Variants in ATP8A2 observed in about 807,000 individuals in gnomAD.
ATP8A2 encodes phospholipid-transporting ATPase IB.
In ATP8A2, 100 loss-of-function variants were observed where a neutral mutation model predicts 165.6. That is an observed-to-expected ratio of 0.60 (90% CI 0.51 to 0.71). The LOEUF is 0.71. Ranked by LOEUF, ATP8A2 falls within the 30% of genes least tolerant of loss-of-function variation. The probability of loss-of-function intolerance (pLI) is 0.00; values close to 1 mark genes in which losing one functional copy is unlikely to be tolerated. For synonymous variants in ATP8A2, 543 were observed against 548.8 expected (o/e 0.99, Z 0.15); for missense variants, 1,227 against 1,479.5 (o/e 0.83, Z 2.80).
In ATP8A2 at chr13:25,489,596, C is replaced by T. The variant is rs9551207; in HGVS notation, c.221+20475C>T. Among the ~76,000 whole-genome samples the T allele has an allele frequency of 0.017, 2,577 of 152,304 alleles. 247 individuals carry two copies. In the East Asian group the frequency reaches 0.29, roughly 17 times the overall value. ...TCCCCTCGCATCCTCCCCAGCACGACGCACAGTTCCTGCCAATGGGAAGTG... is the reference window on the plus strand; with the variant it reads ...TCCCCTCGCATCCTCCCCAGCACGATGCACAGTTCCTGCCAATGGGAAGTG... On this transcript the variant is annotated intron_variant, in intron 2 of 36. Transcript: ENST00000381655.
chr13:25,507,422 T>C (rs1389168867), intron 2 of ATP8A2, among the ~76,000 whole-genome samples: 1 of 152,068 alleles, frequency 6.6e-6, no homozygotes, highest in Non-Finnish European at 1.5e-5. Context: ...TGTGCCACCA[T>C]GCCTGGCTAA....
chr13:25,496,404 G>A (rs1487445833), intron 2 of ATP8A2, among the ~76,000 whole-genome samples: 3 of 152,098 alleles, frequency 2.0e-5, no homozygotes, highest in Non-Finnish European at 2.9e-5. Flanking sequence ...CTACATTGAA[G>A]AGGAGAGAAT....
intron 27 of ATP8A2, among the ~76,000 whole-genome samples, chr13:25,804,122 G>A (rs557029551): frequency 6.6e-6 from 1 of 152,268 alleles, no homozygotes; most frequent in East Asian, 1.9e-4. Flanking sequence ...TGTATACATT[G>A]GCAAAGCATT....
intron 33 of ATP8A2, among the ~76,000 whole-genome samples, chr13:25,923,115 A>T (rs1271017247): frequency 6.6e-6 from 1 of 152,222 alleles, no homozygotes; most frequent in Non-Finnish European, 1.5e-5. Context: ...TAGTAGGAAC[A>T]CAAATTAAGA....
At chr13:25,827,826 A>G (rs1437603137) in intron 27 of ATP8A2, among the ~76,000 whole-genome samples, 2 of 152,278 alleles carry the variant, frequency 1.3e-5, no homozygotes, top group Non-Finnish European at 2.9e-5. Context: ...TCAATGAGAA[A>G]GTTTTGATAC....
rs114512726 is a variant in ATP8A2, at chr13:25,703,469, C to G, written c.2384+4124C>G. 2.8e-3 allele frequency among the ~76,000 whole-genome samples: 419 copies of G among 152,230 alleles called. 1 individual carries two copies. Among genetic ancestry groups the G allele is most frequent in the African/African-American group, 9.4e-3 (391 of 41,564 alleles). On this transcript the variant is annotated intron_variant, in intron 25 of 36. Transcript: ENST00000381655. ...TTGCACTCTTAGGTAGGTATACACC[C>G]AAAAGAATTAAAAACAGGCACTCAA...
intron 35 of ATP8A2, among the ~76,000 whole-genome samples, chr13:25,993,773 A>G (rs904906588): frequency 5.3e-5 from 8 of 152,170 alleles, no homozygotes; most frequent in African/African-American, 1.9e-4. Flanking sequence ...AATCAGATAC[A>G]CTGATTTCTT....
At chr13:25,533,543 A>T (rs1435105521) in intron 6 of ATP8A2, among the ~76,000 whole-genome samples, 1 of 152,216 alleles carries the variant, frequency 6.6e-6, no homozygotes, top group Non-Finnish European at 1.5e-5. Flanking sequence ...TGAAATCTCA[A>T]AGTATTTTCT....
At chr13:25,432,776 G>A (rs1323442185) in intron 1 of ATP8A2, among the ~76,000 whole-genome samples, 1 of 152,142 alleles carries the variant, frequency 6.6e-6, no homozygotes, top group South Asian at 2.1e-4. Flanking sequence ...GTGAACTCCT[G>A]GATGTTTACA....
At chr13:25,728,056 C>T (rs2043534491) in intron 25 of ATP8A2, among the ~76,000 whole-genome samples, 1 of 152,312 alleles carries the variant, frequency 6.6e-6, no homozygotes, top group South Asian at 2.1e-4. Context: ...AAGTTCCCTT[C>T]CTGCCCTCAG....
At chr13:25,495,010 AG>A in intron 2 of ATP8A2, among the ~76,000 whole-genome samples, 1 of 152,200 alleles carries the variant, frequency 6.6e-6, no homozygotes. Context: ...TGTCTGAATT[AG>A]GTGTCTCCGC....
chr13:25,936,704 G>GC (rs1860821460), intron 33 of ATP8A2, among the ~76,000 whole-genome samples: 3 of 152,142 alleles, frequency 2.0e-5, no homozygotes, highest in African/African-American at 7.2e-5. Flanking sequence ...GAGGCTGACT[G>GC]CCCCCGTGGG....
intron 2 of ATP8A2, among the ~76,000 whole-genome samples, chr13:25,518,460 G>A (rs1381287775): frequency 6.6e-6 from 1 of 152,196 alleles, no homozygotes; most frequent in Non-Finnish European, 1.5e-5. Context: ...AGTAGAATAA[G>A]GCAATTGTTT....
Position 25,960,393 on chromosome 13 carries a change from TG to T in ATP8A2, c.3184-1177del, listed in dbSNP as rs527881389. On this transcript the variant is annotated intron_variant, in intron 33 of 36. Transcript: ENST00000381655. ...GAGTCTTAGACCCTCCCAGTCCCTGTGGGGGTCCCACAGGTGGTTAATTGTG... is the reference window on the plus strand; with the variant it reads ...GAGTCTTAGACCCTCCCAGTCCCTGTGGGGTCCCACAGGTGGTTAATTGTG... Among the ~76,000 whole-genome samples the T allele has an allele frequency of 1.8e-3, 274 of 152,244 alleles. 1 individual carries two copies. The highest frequency in any genetic ancestry group is 6.2e-3 in the African/African-American group (257 of 41,564).
chr13:25,635,555 T>G (rs1287684201), intron 24 of ATP8A2, among the ~76,000 whole-genome samples: 1 of 152,184 alleles, frequency 6.6e-6, no homozygotes, highest in Non-Finnish European at 1.5e-5. Flanking sequence ...TGCAGGATTT[T>G]CCAAACTCAA....
At chr13:25,949,643 C>G (rs972924715) in intron 33 of ATP8A2, among the ~76,000 whole-genome samples, 3 of 152,260 alleles carry the variant, frequency 2.0e-5, no homozygotes, top group African/African-American at 7.2e-5. Context: ...GAGAAGAGCC[C>G]CAGCAAGGAT....
intron 30 of ATP8A2, among the ~76,000 whole-genome samples, chr13:25,848,066 G>T (rs183453616): frequency 6.4e-4 from 97 of 152,318 alleles, no homozygotes; most frequent in Admixed American, 1.8e-3. Flanking sequence ...CCCCAGTAGA[G>T]GCCTGGGCCA....
At chr13:25,629,518 C>T (rs533512879) in intron 24 of ATP8A2, among the ~76,000 whole-genome samples, 18 of 152,076 alleles carry the variant, frequency 1.2e-4, no homozygotes, top group South Asian at 2.1e-4. Context: ...AATAATAGCT[C>T]GAAATATAAA....
At position 25,780,974 on chromosome 13, in the gene ATP8A2, T is replaced by A. The variant is rs531058132; in HGVS notation, c.2679+6015T>A. Among the ~76,000 whole-genome samples the A allele has an allele frequency of 7.9e-5, 12 of 152,304 alleles. 1 individual carries two copies. In the South Asian group the frequency reaches 2.5e-3, roughly 32 times the overall value. On this transcript the variant is annotated intron_variant, in intron 27 of 36. Transcript: ENST00000381655. ...ATGAGAAAAGGCCTTACTGGCAGTT[T>A]GTTTTCTGTGTCTTCGAATTCTCAC... is the stretch of plus-strand genomic sequence containing the variant.
Sources: allele counts gnomAD v4.1 joint callset (sites outside exome capture counted in the v4.1 genomes callset), GRCh38; gene constraint gnomAD v4.1.1; transcripts MANE v1.5; gene names NCBI Gene and HGNC (gene_info 2026-07-23, HGNC 2026-07-21).